Variants in DGKB observed in about 807,000 individuals in gnomAD.
DGKB encodes the protein 90 kDa diacylglycerol kinase.
DGKB carries 67 observed loss-of-function variants against 114.3 expected under a neutral mutation model. That is an observed-to-expected ratio of 0.59 (90% CI 0.48 to 0.72). The LOEUF (loss-of-function observed/expected upper bound fraction) is 0.72. DGKB is among the 30% of genes least tolerant of loss of function. The pLI is 0.00. For missense variants in DGKB, 907 were observed against 975.2 expected, an observed-to-expected ratio of 0.93 and a Z score of 0.93; for synonymous variants, 398 against 323.1, an observed-to-expected ratio of 1.23 and a Z score of -2.49.
intron 21 of DGKB, among the ~76,000 whole-genome samples, chr7:14,409,836 C>A (rs1824568733): frequency 6.6e-6 from 1 of 151,714 alleles, no homozygotes; most frequent in African/African-American, 2.4e-5. Context: ...CAGACAAGTA[C>A]TGTAAATGTA....
intron 20 of DGKB, among the ~76,000 whole-genome samples, chr7:14,556,980 C>A (rs571657848): frequency 1.3e-5 from 2 of 152,112 alleles, no homozygotes; most frequent in East Asian, 3.9e-4. Flanking sequence ...ACATTTTCCC[C>A]CTTTGGCTAA....
intron 10 of DGKB, 93 bp downstream of exon 10, chr7:14,685,152 A>G (rs1821462722): frequency 7.6e-6 from 6 of 793,446 alleles, no homozygotes; most frequent in Non-Finnish European, 1.3e-5. Context: ...TCCAGATCAG[A>G]TCTTAGGTCT....
At chr7:14,932,042 A>G (rs1214550222) in intron 1 of DGKB, among the ~76,000 whole-genome samples, 1 of 152,178 alleles carries the variant, frequency 6.6e-6, no homozygotes, top group Non-Finnish European at 1.5e-5. Context: ...TTAGGATTGA[A>G]AATGACACTC....
chr7:14,471,721 C>G (rs2128890991), intron 21 of DGKB, among the ~76,000 whole-genome samples: 1 of 152,016 alleles, frequency 6.6e-6, no homozygotes, highest in South Asian at 2.1e-4. Context: ...TATCACAGTT[C>G]AATCTTTATT....
At position 14,538,085 on chromosome 7, in the gene DGKB, CAAAAAAAA is replaced by C. The variant is rs58405374; in HGVS notation, c.1770+36119_1770+36126del. Reference sequence around the variant, plus strand: ...GGGCAACAAGAGCAAATCTCTGTCTCAAAAAAAAAAAAAAAAAAAAAAAAAATGGGACT... The same window carrying C: ...GGGCAACAAGAGCAAATCTCTGTCTCAAAAAAAAAAAAAAAAAATGGGACT... On this transcript the variant is annotated intron_variant, in intron 20 of 25. Transcript: ENST00000402815. Among the ~76,000 whole-genome samples the C allele has an allele frequency of 2.2e-4, 10 of 44,798 alleles. 1 individual carries two copies. In the Admixed American group the frequency reaches 3.1e-3, roughly 14 times the overall value. The allele number at this position is 44,798 out of a possible 152,430, so 29.4% of individuals were successfully genotyped here.
chr7:14,756,114 G>A (rs1451392176), intron 3 of DGKB, among the ~76,000 whole-genome samples: 1 of 151,912 alleles, frequency 6.6e-6, no homozygotes, highest in Non-Finnish European at 1.5e-5. Flanking sequence ...AAGCAAAAAG[G>A]CTGCTTTGCA....
At chr7:14,903,493 A>T (rs1783449762), upstream of DGKB, 3 of 152,106 alleles carry the variant, frequency 2.0e-5, no homozygotes, top group South Asian at 6.2e-4. Flanking sequence ...CTCACTATAC[A>T]TCTCAGGGAG....
chr7:14,288,234 A>ATTTTTTTTTTTTTTTTTTAT (rs1357871823), intron 23 of DGKB, among the ~76,000 whole-genome samples: 1 of 75,768 alleles, frequency 1.3e-5, no homozygotes, highest in Non-Finnish European at 2.8e-5. Context: ...TTTTTTTTTA[A>ATTTTTTTTTTTTTTTTTTAT]TTTTTTTTTT....
intron 5 of DGKB, 144 bp from the exon 6 acceptor site, chr7:14,718,829 G>A: frequency 3.2e-6 from 2 of 618,498 alleles, no homozygotes; most frequent in South Asian, 2.1e-5. Flanking sequence ...TGTAAGATCG[G>A]TACAGCAGCT....
rs566792211 is a variant in DGKB at position 14,940,115 on chromosome 7, G to C, written c.-188+34581C>G. 1.5e-3 allele frequency among the ~76,000 whole-genome samples: 221 copies of C among 152,012 alleles called. 1 individual carries two copies. The highest frequency in any genetic ancestry group is 5.0e-3 in the African/African-American group (208 of 41,440). On this transcript the variant is annotated intron_variant, in intron 1 of 4. Coordinates refer to the DGKB transcript ENST00000437998. ...AGCCTCAACCTGCTAAAAAATGATG[G>C]TCTTATTTGAATAAAAAATTCAAAT...
chr7:14,924,698 ATTGAATTTTGTG>A (rs1410758516), intron 1 of DGKB, among the ~76,000 whole-genome samples: 1 of 152,116 alleles, frequency 6.6e-6, no homozygotes, highest in Non-Finnish European at 1.5e-5. Flanking sequence ...AATAGTAATC[ATTGAATTTTGTG>A]TAATTTGGCA....
At chr7:14,253,108 C>T (rs540915074) in intron 23 of DGKB, among the ~76,000 whole-genome samples, 2 of 151,766 alleles carry the variant, frequency 1.3e-5, no homozygotes, top group African/African-American at 4.8e-5. Flanking sequence ...AATCTTGGCT[C>T]ACTGCAACCT....
At chr7:14,442,946 A>G (rs1450511600) in intron 21 of DGKB, among the ~76,000 whole-genome samples, 1 of 152,118 alleles carries the variant, frequency 6.6e-6, no homozygotes, top group Admixed American at 6.6e-5. Context: ...CTAAAAATTC[A>G]CCTTAACATT....
intron 23 of DGKB, among the ~76,000 whole-genome samples, chr7:14,334,460 AAG>A (rs1810330729): frequency 6.6e-6 from 1 of 151,800 alleles, no homozygotes. Flanking sequence ...AGAAAGAAAA[AAG>A]AGGAGGAAGA....
upstream of DGKB, among the ~76,000 whole-genome samples, chr7:14,905,868 G>A (rs146119878): frequency 4.3e-3 from 649 of 152,262 alleles, no homozygotes; most frequent in Non-Finnish European, 7.2e-3. Context: ...AGGGCATTGG[G>A]AAGATAAGTG....
At chr7:14,269,405 G>T (rs1680593297) in intron 23 of DGKB, among the ~76,000 whole-genome samples, 1 of 152,170 alleles carries the variant, frequency 6.6e-6, no homozygotes, top group South Asian at 2.1e-4. Context: ...ACCACAAGTA[G>T]GTTTAAAGAC....
At chr7:14,931,568 G>A (rs927245575) in intron 1 of DGKB, among the ~76,000 whole-genome samples, 2 of 152,148 alleles carry the variant, frequency 1.3e-5, no homozygotes, top group Non-Finnish European at 2.9e-5. Context: ...GGTGTGAAGT[G>A]ACCATTGCTG....
chr7:14,221,940 G>T (rs910859686), intron 23 of DGKB, among the ~76,000 whole-genome samples: 1 of 151,084 alleles, frequency 6.6e-6, no homozygotes, highest in African/African-American at 2.4e-5. Context: ...TGATGTAGTG[G>T]CATTAAATTT....
At chr7:14,601,902 C>T (rs1803610591) in intron 17 of DGKB, among the ~76,000 whole-genome samples, 1 of 151,834 alleles carries the variant, frequency 6.6e-6, no homozygotes, top group African/African-American at 2.4e-5. Flanking sequence ...AAGACTGAAC[C>T]TCTCTCTATG....
Sources: allele counts gnomAD v4.1 joint callset (sites outside exome capture counted in the v4.1 genomes callset), GRCh38; gene constraint gnomAD v4.1.1; transcripts MANE v1.5; gene names NCBI Gene and HGNC (gene_info 2026-07-23, HGNC 2026-07-21).